The following SLC4A7 variants were observed in gnomAD, a reference collection of about 807,000 sequenced individuals.
SLC4A7 encodes solute carrier family 4 member 7.
A neutral mutation model predicts 137.6 loss-of-function variants in SLC4A7; 51 were observed. The observed-to-expected ratio is 0.37, with a 90% CI of 0.30 to 0.47. The LOEUF (loss-of-function observed/expected upper bound fraction) is 0.47, where lower values mean the gene tolerates loss of function less well. Ranked by LOEUF, SLC4A7 falls within the 20% of genes least tolerant of loss-of-function variation. The pLI, the probability that SLC4A7 is intolerant of heterozygous loss-of-function variation, is 1.00. For synonymous variants in SLC4A7, 542 were observed against 518.6 expected, an observed-to-expected ratio of 1.05 and a Z score of -0.61; for missense variants, 1,247 against 1,525.4, an observed-to-expected ratio of 0.82 and a Z score of 3.04.
At chr3:27,423,376 T>C (rs1576364587) in intron 8 of SLC4A7, among the ~76,000 whole-genome samples, 1 of 152,230 alleles carries the variant, frequency 6.6e-6, no homozygotes, top group African/African-American at 2.4e-5. Context: ...ATAGAATCAA[T>C]TGTTCATAAG....
Position 27,408,714 on chromosome 3 carries a change from T to C in SLC4A7, c.1941+642A>G, listed in dbSNP as rs547701056. Among the ~76,000 whole-genome samples, 10 of 152,288 alleles carry C rather than the reference T, an allele frequency of 6.6e-5. 1 individual carries two copies. In the South Asian group the frequency reaches 1.2e-3, roughly 19 times the overall value. On this transcript the variant is annotated intron_variant, in intron 13 of 25. Coordinates refer to ENST00000454389, the MANE Select transcript of SLC4A7 (RefSeq NM_001321103.2). The stretch of plus-strand genomic sequence containing the variant: ...CCTTTCAAGATTTTACAAAGCACCA[T>C]AGCTCTGAATACAGTATAACCAGGA...
chr3:27,406,168 T>C (rs910945708), intron 13 of SLC4A7, among the ~76,000 whole-genome samples: 3 of 152,232 alleles, frequency 2.0e-5, no homozygotes, highest in Non-Finnish European at 4.4e-5. Flanking sequence ...GACTGACTGC[T>C]ACTAGGTGTT....
chr3:27,474,223 T>C (rs1034518553), intron 1 of SLC4A7, among the ~76,000 whole-genome samples: 2 of 152,046 alleles, frequency 1.3e-5, no homozygotes, highest in African/African-American at 4.8e-5. Context: ...TCTCAGAGAA[T>C]AAATAAGTGA....
rs148085277 is a variant in SLC4A7 at position 27,457,553 on chromosome 3, C to A, written c.61-5055G>T. On this transcript the variant is annotated intron_variant, in intron 1 of 25. Coordinates refer to ENST00000454389, the MANE Select transcript of SLC4A7 (RefSeq NM_001321103.2). ...CATTCCTCTGATAGTTCATCAAACT[C>A]AACAAGTATATTGTTTCTTAATAGT... Among the ~76,000 whole-genome samples, 21 of 152,248 alleles carry A rather than the reference C, an allele frequency of 1.4e-4. No individual in the cohort carries two copies. In the East Asian group the frequency reaches 3.7e-3, roughly 27 times the overall value.
chr3:27,425,886 AAC>A (rs1199932501), intron 7 of SLC4A7, among the ~76,000 whole-genome samples: 2 of 152,106 alleles, frequency 1.3e-5, no homozygotes, highest in Non-Finnish European at 2.9e-5. Context: ...ACTGAAATAC[AAC>A]AGACTTTACT....
At chr3:27,430,998 T>C (rs1232583235) in intron 7 of SLC4A7, among the ~76,000 whole-genome samples, 5 of 152,198 alleles carry the variant, frequency 3.3e-5, no homozygotes, top group Admixed American at 3.3e-4. Context: ...AGTCTTTTTG[T>C]AACTCAAATT....
chr3:27,469,784 A>C (rs752878583), intron 1 of SLC4A7, among the ~76,000 whole-genome samples: 12 of 152,166 alleles, frequency 7.9e-5, no homozygotes, highest in Admixed American at 3.3e-4. Flanking sequence ...CAATAATAAT[A>C]ATTAAAGCCA....
At chr3:27,441,397 GTT>G (rs928380559) in intron 3 of SLC4A7, among the ~76,000 whole-genome samples, 11 of 152,118 alleles carry the variant, frequency 7.2e-5, no homozygotes, top group African/African-American at 2.7e-4. Context: ...TCTTCCTTAA[GTT>G]TGTTTTATTT....
At chr3:27,469,661 G>A (rs2059154047) in intron 1 of SLC4A7, among the ~76,000 whole-genome samples, 1 of 152,112 alleles carries the variant, frequency 6.6e-6, no homozygotes, top group Non-Finnish European at 1.5e-5. Context: ...GCTGAGGCAG[G>A]AGAATCACTT....
chr3:27,438,301 T>G lies in SLC4A7; in HGVS notation c.290-775A>C, dbSNP rs182653104. Among the ~76,000 whole-genome samples the G allele has an allele frequency of 4.6e-3, 695 of 150,886 alleles. 6 individuals are homozygous for G. The highest frequency in any genetic ancestry group is 0.016 in the African/African-American group (659 of 40,942). ...GCGGTTGGATCATGAGGTCAGCAGT[T>G]GGAGACCAACCTGGCCAACATGGTG... is the stretch of plus-strand genomic sequence containing the variant. On this transcript the variant is annotated intron_variant, in intron 3 of 25. Coordinates refer to ENST00000454389, the MANE Select transcript of SLC4A7 (RefSeq NM_001321103.2).
chr3:27,437,530 T>C lies in SLC4A7; in HGVS notation c.290-4A>G, dbSNP rs1432659804. 1.3e-6 allele frequency: 2 copies of C among 1,527,212 alleles called. No individual in the cohort carries two copies. The highest frequency in any genetic ancestry group is 2.3e-5 in the Admixed American group (1 of 42,618). The allele number at this position is 1,527,212 out of a possible 1,614,324, so 94.6% of individuals were successfully genotyped here. Reference sequence around the variant, plus strand: ...TGAACTCTCTGGGATGGTGTATCTTTACAAAATAAGAATTTACATATACTC... The same window carrying C: ...TGAACTCTCTGGGATGGTGTATCTTCACAAAATAAGAATTTACATATACTC... On this transcript the variant is annotated splice_region_variant and splice_polypyrimidine_tract_variant and intron_variant, in intron 3 of 25. Coordinates refer to ENST00000454389, the MANE Select transcript of SLC4A7 (RefSeq NM_001321103.2).
At position 27,420,771 on chromosome 3, in the gene SLC4A7, A is replaced by C; in HGVS notation, c.1441T>G (p.Leu481Val). Reference protein sequence around the residue: ...PVPTRFLFLLLGPAGKAPQYH... With the variant: ...PVPTRFLFLLVGPAGKAPQYH... ...TGTGGTGCCTTGCCCGCTGGACCCA[A>C]TAACAAAAACAAAAACCTAAGGAAA... The change falls in exon 10 of 26, where the codon TTG (leucine) becomes GTG (valine). Residue 481 changes from leucine to valine, a missense_variant. Leu to Val is a conservative substitution (Grantham distance 32). Around this residue, in one of 6 missense-constraint regions of SLC4A7, gnomAD observed 499 missense variants for 664.2 expected, o/e 0.75. Coordinates refer to ENST00000454389, the MANE Select transcript of SLC4A7 (RefSeq NM_001321103.2). 1 of 1,613,256 alleles carries C rather than the reference A, an allele frequency of 6.2e-7. No homozygotes were observed. The highest frequency in any genetic ancestry group is 8.5e-7 in the Non-Finnish European group (1 of 1,179,340).
chr3:27,436,610 T>C, intron 4 of SLC4A7, 62 bp from the exon 5 acceptor site: 2 of 1,043,740 alleles, frequency 1.9e-6, no homozygotes, highest in Middle Eastern at 2.2e-4. Context: ...TTTATCTTAA[T>C]GTGATAAAGA....
intron 7 of SLC4A7, among the ~76,000 whole-genome samples, chr3:27,430,197 C>G (rs2056123766): frequency 6.6e-6 from 1 of 152,042 alleles, no homozygotes; most frequent in Admixed American, 6.5e-5. Context: ...TGTGGCACTG[C>G]ACTCCAGCCT....
At chr3:27,398,005 G>T in intron 17 of SLC4A7, 187 bp downstream of exon 17, 1 of 613,108 alleles carries the variant, frequency 1.6e-6, no homozygotes, top group Non-Finnish European at 2.8e-6. Context: ...AACTCTTATG[G>T]TACCATCATC....
chr3:27,409,684 T>C (rs948079693), intron 12 of SLC4A7, among the ~76,000 whole-genome samples, 154 bp from the exon 13 acceptor site: 1 of 152,190 alleles, frequency 6.6e-6, no homozygotes, highest in African/African-American at 2.4e-5. Flanking sequence ...GAAGATACAC[T>C]CATTTAATCT....
At chr3:27,435,749 G>C (rs988688965) in intron 5 of SLC4A7, among the ~76,000 whole-genome samples, 2 of 152,090 alleles carry the variant, frequency 1.3e-5, no homozygotes, top group African/African-American at 4.8e-5. Context: ...GGTTGAGGTG[G>C]GAGATCACTT....
chr3:27,377,818 A>G (rs112895819), intron 25 of SLC4A7, among the ~76,000 whole-genome samples: 1,622 of 152,344 alleles, frequency 0.011, 10 homozygotes, highest in South Asian at 0.02. Context: ...AAAACACACT[A>G]TGGTTTGCTG....
At chr3:27,452,217 C>A (rs1453685062) in intron 2 of SLC4A7, among the ~76,000 whole-genome samples, 200 bp downstream of exon 2, 4 of 152,024 alleles carry the variant, frequency 2.6e-5, no homozygotes, top group African/African-American at 7.2e-5. Flanking sequence ...TTAATGGTAA[C>A]CATCACTAAA....
Sources: allele counts gnomAD v4.1 joint callset (sites outside exome capture counted in the v4.1 genomes callset), GRCh38; gene constraint gnomAD v4.1.1; regional missense constraint gnomAD v4.1.1; transcripts MANE v1.5; gene names NCBI Gene and HGNC (gene_info 2026-07-23, HGNC 2026-07-21).